The following ARHGAP6 variants were observed in gnomAD, a reference collection of about 807,000 sequenced individuals.
ARHGAP6 encodes Rho GTPase activating protein 6, also known as rho GTPase-activating protein 6.
In ARHGAP6, 16 loss-of-function variants were observed where a neutral mutation model predicts 55.7. The observed-to-expected ratio is 0.29, with a 90% CI of 0.19 to 0.44. ARHGAP6 has a LOEUF of 0.44. Among genes scored for constraint, ARHGAP6 ranks in the 20% least tolerant of loss-of-function variants. ARHGAP6 has a pLI of 1.00. For synonymous variants in ARHGAP6, 382 were observed against 360.9 expected, an observed-to-expected ratio of 1.06 and a Z score of -0.66; for missense variants, 698 against 808.9, an observed-to-expected ratio of 0.86 and a Z score of 1.66.
In ARHGAP6 at chrX:11,437,095, G is replaced by A. The variant is rs189137073; in HGVS notation, c.589-182388C>T. On this transcript the variant is annotated intron_variant, in intron 1 of 12. Transcript: ENST00000337414. Reference sequence around the variant, plus strand: ...AGGAAGGAAGAAAGGGAGGGAGGGAGAAAGGGAAAGAGGAAGGAAGGACTG... The same window carrying A: ...AGGAAGGAAGAAAGGGAGGGAGGGAAAAAGGGAAAGAGGAAGGAAGGACTG... Among the ~76,000 whole-genome samples the A allele has an allele frequency of 8.1e-5, 9 of 110,830 alleles. No individual in the cohort carries two copies. In the East Asian group the frequency reaches 2.6e-3, roughly 32 times the overall value.
intron 1 of ARHGAP6, among the ~76,000 whole-genome samples, chrX:11,559,647 G>T (rs2051361950): frequency 9.0e-6 from 1 of 111,425 alleles, no homozygotes; most frequent in South Asian, 3.8e-4. Flanking sequence ...AAGTAGGAGG[G>T]CCGGGCGCGG....
rs569780039 is a variant in ARHGAP6 at position 11,223,995 on chromosome X, A to T, written c.749-26999T>A. 3.6e-5 allele frequency among the ~76,000 whole-genome samples: 4 copies of T among 112,259 alleles called. No individual in the cohort carries two copies. In the South Asian group the frequency reaches 1.1e-3, roughly 31 times the overall value. ...CACCTTTTCCCAAAAAGAAGATTTC[A>T]GCTGCCATTACTCCCTTGCTACTTT... is the stretch of plus-strand genomic sequence containing the variant. On this transcript the variant is annotated intron_variant, in intron 2 of 12. Transcript: ENST00000337414.
At chrX:11,466,580 T>C (rs144605954) in intron 1 of ARHGAP6, among the ~76,000 whole-genome samples, 16 of 111,668 alleles carry the variant, frequency 1.4e-4, no homozygotes, top group African/African-American at 5.2e-4. Flanking sequence ...TTATAGCTCA[T>C]TGTAACCCCA....
At chrX:11,328,596 T>G (rs6640729) in intron 1 of ARHGAP6, among the ~76,000 whole-genome samples, 10,398 of 111,942 alleles carry the variant, frequency 0.093, 1,056 homozygotes, top group East Asian at 0.53. Flanking sequence ...TCTGCCACAC[T>G]GGCTAAAATC....
chrX:11,652,456 G>T (rs1231965654), intron 1 of ARHGAP6, among the ~76,000 whole-genome samples: 5 of 111,843 alleles, frequency 4.5e-5, no homozygotes, highest in Non-Finnish European at 9.4e-5. Flanking sequence ...TCTATAAGCA[G>T]TTTGCAAAAT....
rs1157213282 is a variant in ARHGAP6 at position 11,188,857 on chromosome X, G to A, written c.948C>T (p.Leu316=). The A allele has an allele frequency of 8.3e-7, 1 of 1,211,455 alleles. No homozygotes were observed. Among genetic ancestry groups the A allele is most frequent in the Non-Finnish European group, 1.1e-6 (1 of 895,501 alleles). The change falls in exon 4 of 13, where the codon CTC becomes CTT. Residue 316 remains leucine, a synonymous_variant. Coordinates refer to ENST00000337414, the MANE Select transcript of ARHGAP6 (RefSeq NM_013427.3). ...TGTTTTGTCTTTTATTTCCAAATGG[G>A]AGGAGGGAAGCCACAAAGTCAGATG... ...KDASDFVASL[L]PFGNKRQNKE...
chrX:11,365,280 G>A (rs1382267877), intron 1 of ARHGAP6, among the ~76,000 whole-genome samples: 1 of 111,931 alleles, frequency 8.9e-6, no homozygotes, highest in African/African-American at 3.2e-5. Context: ...TACCCAGATC[G>A]TAGGCCATGC....
intron 2 of ARHGAP6, among the ~76,000 whole-genome samples, chrX:11,211,477 T>G (rs904597873): frequency 4.3e-4 from 48 of 110,843 alleles, no homozygotes; most frequent in Admixed American, 1.0e-3. Context: ...TGATCCGCCC[T>G]CCTTGGCCTC....
intron 1 of ARHGAP6, among the ~76,000 whole-genome samples, chrX:11,378,279 T>C (rs1378512751): frequency 1.8e-5 from 2 of 112,609 alleles, no homozygotes; most frequent in Admixed American, 1.9e-4. Context: ...TGCAATTCAA[T>C]GACATTTAGA....
intron 1 of ARHGAP6, among the ~76,000 whole-genome samples, chrX:11,422,011 C>G (rs1307222129): frequency 8.9e-6 from 1 of 111,887 alleles, no homozygotes; most frequent in East Asian, 2.8e-4. Flanking sequence ...CTACCCTGTG[C>G]CAGGACCTGC....
chrX:11,625,307 GTGTA>G (rs1439218151), intron 1 of ARHGAP6, among the ~76,000 whole-genome samples: 68 of 85,962 alleles, frequency 7.9e-4, no homozygotes, highest in African/African-American at 2.3e-3. Flanking sequence ...GTGTGTGTGT[GTGTA>G]TATGTATATA....
chrX:11,600,951 T>C (rs1009061917), intron 1 of ARHGAP6, among the ~76,000 whole-genome samples: 7 of 111,814 alleles, frequency 6.3e-5, no homozygotes, highest in East Asian at 2.8e-4. Flanking sequence ...ACACTGGACA[T>C]GTGCTGAGGG....
intron 1 of ARHGAP6, among the ~76,000 whole-genome samples, chrX:11,557,448 CT>C (rs1216687960): frequency 3.8e-5 from 4 of 104,124 alleles, no homozygotes; most frequent in Admixed American, 2.1e-4. Flanking sequence ...CCATTTGTTT[CT>C]TTTTTTTTGT....
chrX:11,569,465 G>A (rs1333731847), intron 1 of ARHGAP6, among the ~76,000 whole-genome samples: 2 of 111,666 alleles, frequency 1.8e-5, no homozygotes, highest in Admixed American at 9.5e-5. Flanking sequence ...AGGATTTCAG[G>A]TTTTGTTAAT....
intron 1 of ARHGAP6, among the ~76,000 whole-genome samples, chrX:11,264,500 C>G (rs1261427950): frequency 9.0e-6 from 1 of 111,711 alleles, no homozygotes; most frequent in Non-Finnish European, 1.9e-5. Flanking sequence ...AGCAAAAGGT[C>G]AATTTCATTT....
rs752724568 is a variant in ARHGAP6, at chrX:11,186,380, G to A, written c.1129C>T (p.Leu377=). 6.6e-6 allele frequency: 8 copies of A among 1,210,904 alleles called. No individual in the cohort carries two copies. The South Asian group carries it at 1.4e-4, about 21-fold the overall frequency. ...ITDLDDNQSR[L]LEALQLSLPA... ...AAGGAAAGTTGTAAAGCTTCTAGTA[G>A]TCGAGACTGATTGTCATCAAGATCG... Residue 377 remains leucine (L), a synonymous_variant, in exon 5 of 13, where the codon CTA becomes TTA. Coordinates refer to ENST00000337414, the MANE Select transcript of ARHGAP6 (RefSeq NM_013427.3).
chrX:11,634,004 T>C (rs1298447471), intron 1 of ARHGAP6, among the ~76,000 whole-genome samples: 1 of 110,856 alleles, frequency 9.0e-6, no homozygotes, highest in Non-Finnish European at 1.9e-5. Flanking sequence ...ACTTGATAAA[T>C]GTTCACTGAA....
At chrX:11,533,025 C>T (rs2051067869) in intron 1 of ARHGAP6, among the ~76,000 whole-genome samples, 1 of 111,363 alleles carries the variant, frequency 9.0e-6, no homozygotes, top group Admixed American at 9.5e-5. Context: ...TCATCTGTTT[C>T]AACTCATACA....
intron 1 of ARHGAP6, among the ~76,000 whole-genome samples, chrX:11,382,582 G>A (rs754704588): frequency 1.8e-5 from 2 of 111,243 alleles, no homozygotes; most frequent in Admixed American, 9.5e-5. Context: ...TTTGTCTATC[G>A]TTGCAACTTT....
Sources: gnomAD v4.1 joint callset for allele counts (sites outside exome capture counted in the v4.1 genomes callset) on GRCh38, gnomAD v4.1.1 for gene constraint, MANE v1.5 for transcripts, NCBI Gene and HGNC (gene_info 2026-07-23, HGNC 2026-07-21) for gene names.